Variants in TRDN observed in about 807,000 individuals in gnomAD.
The protein encoded by TRDN is triadin.
A neutral mutation model predicts 149.7 loss-of-function variants in TRDN; 161 were observed. The ratio of observed to expected loss-of-function variants is 1.08; its 90% CI spans 0.95 to 1.23. The LOEUF (loss-of-function observed/expected upper bound fraction) is 1.23. TRDN is among the 50% of genes most tolerant of loss of function. TRDN has a pLI of 0.00. For missense variants in TRDN, 896 were observed against 823.5 expected (o/e 1.09, Z -1.08); for synonymous variants, 294 against 250.5 (o/e 1.17, Z -1.64).
At chr6:123,256,022 G>T in intron 35 of TRDN, 120 bp from the exon 36 acceptor site, 1 of 461,656 alleles carries the variant, frequency 2.2e-6, no homozygotes, top group Non-Finnish European at 3.3e-6. Flanking sequence ...CATGTGTCAT[G>T]GTGGTTTGCT....
intron 12 of TRDN, among the ~76,000 whole-genome samples, chr6:123,397,441 C>A (rs1423311430): frequency 6.6e-6 from 1 of 152,160 alleles, no homozygotes; most frequent in Non-Finnish European, 1.5e-5. Context: ...TCTCTGAGAT[C>A]ACTGATTGAT....
At chr6:123,573,932 T>C (rs958744188) in intron 1 of TRDN, among the ~76,000 whole-genome samples, 1 of 151,986 alleles carries the variant, frequency 6.6e-6, no homozygotes, top group South Asian at 2.1e-4. Flanking sequence ...AATACTTTAG[T>C]TAATAAAGTC....
intron 5 of TRDN, among the ~76,000 whole-genome samples, chr6:123,520,054 G>A (rs939263987): frequency 7.9e-5 from 12 of 151,936 alleles, no homozygotes; most frequent in African/African-American, 2.7e-4. Flanking sequence ...TAAACAATAA[G>A]GCCAGATCTC....
intron 5 of TRDN, among the ~76,000 whole-genome samples, chr6:123,521,694 A>G (rs944506337): frequency 6.6e-6 from 1 of 152,044 alleles, no homozygotes; most frequent in Non-Finnish European, 1.5e-5. Context: ...TGGTTCCCTG[A>G]GGACTGATGT....
intron 10 of TRDN, among the ~76,000 whole-genome samples, chr6:123,444,096 T>C (rs1583032820): frequency 6.8e-6 from 1 of 147,332 alleles, no homozygotes; most frequent in East Asian, 2.0e-4. Flanking sequence ...ATTGAATCTG[T>C]AAATTACCTT....
rs184823974 is a variant in TRDN, at chr6:123,527,678, A to T, written c.484+2828T>A. Among the ~76,000 whole-genome samples the T allele has an allele frequency of 6.8e-3, 1,038 of 151,898 alleles. 5 individuals carry two copies. The highest frequency in any genetic ancestry group is 0.01 in the Non-Finnish European group (680 of 67,874). ...TTAATGATATGTGGTAACCCAAAAA[A>T]TGTTAAATTATGGTTGGAAGTTTTT... On this transcript the variant is annotated intron_variant, in intron 5 of 40. Coordinates refer to ENST00000334268, the MANE Select transcript of TRDN (RefSeq NM_006073.4).
At chr6:123,393,793 C>G in intron 12 of TRDN, 116 bp from the exon 13 acceptor site, 3 of 979,384 alleles carry the variant, frequency 3.1e-6, no homozygotes, top group Non-Finnish European at 4.5e-6. Flanking sequence ...GCTTTTGACA[C>G]GAAGAATTTT....
intron 23 of TRDN, among the ~76,000 whole-genome samples, chr6:123,321,537 A>G (rs1779245280): frequency 6.6e-6 from 1 of 151,940 alleles, no homozygotes; most frequent in Admixed American, 6.6e-5. Flanking sequence ...CCACTACTAC[A>G]CACAAAGACA....
At chr6:123,448,131 G>A (rs1775511552) in intron 10 of TRDN, among the ~76,000 whole-genome samples, 1 of 152,180 alleles carries the variant, frequency 6.6e-6, no homozygotes, top group Non-Finnish European at 1.5e-5. Context: ...TGGCACCACA[G>A]GGATTCATCA....
At chr6:123,520,585 C>T (rs1779625683) in intron 5 of TRDN, among the ~76,000 whole-genome samples, 1 of 152,152 alleles carries the variant, frequency 6.6e-6, no homozygotes, top group African/African-American at 2.4e-5. Flanking sequence ...TTTCATTTAC[C>T]TATTAAAGTG....
intron 12 of TRDN, among the ~76,000 whole-genome samples, chr6:123,431,074 T>C (rs1422476866): frequency 6.6e-6 from 1 of 152,212 alleles, no homozygotes; most frequent in Non-Finnish European, 1.5e-5. Context: ...TCCATGATTA[T>C]AAAACACTTG....
At chr6:123,373,644 T>G (rs1781404375) in intron 19 of TRDN, among the ~76,000 whole-genome samples, 1 of 152,132 alleles carries the variant, frequency 6.6e-6, no homozygotes, top group Non-Finnish European at 1.5e-5. Flanking sequence ...ACAAATCCCC[T>G]TTTACTTTTT....
chr6:123,351,386 A>C, intron 21 of TRDN: 1 of 984,434 alleles, frequency 1.0e-6, no homozygotes, highest in Non-Finnish European at 1.2e-6. Flanking sequence ...GCATAAATGA[A>C]CACACTGAAA....
intron 21 of TRDN, among the ~76,000 whole-genome samples, chr6:123,347,007 A>G (rs959888072): frequency 6.6e-6 from 1 of 151,992 alleles, no homozygotes; most frequent in African/African-American, 2.4e-5. Context: ...AAACATAAGA[A>G]TACCATGGAG....
chr6:123,308,670 T>C (rs1778704397), intron 24 of TRDN, among the ~76,000 whole-genome samples: 1 of 152,008 alleles, frequency 6.6e-6, no homozygotes, highest in African/African-American at 2.4e-5. Flanking sequence ...TGAATTCCCT[T>C]TGCAACTTCT....
intron 10 of TRDN, among the ~76,000 whole-genome samples, chr6:123,444,832 G>C (rs1005063840): frequency 1.3e-5 from 2 of 152,260 alleles, no homozygotes; most frequent in African/African-American, 4.8e-5. Flanking sequence ...TTATTGATTT[G>C]CGTATGTTGA....
intron 24 of TRDN, among the ~76,000 whole-genome samples, chr6:123,297,723 G>T (rs1032227082): frequency 1.3e-5 from 2 of 151,922 alleles, no homozygotes; most frequent in Non-Finnish European, 2.9e-5. Context: ...TGCAAAGGGC[G>T]CATCCATTCC....
At chr6:123,477,931 G>T (rs1419658841) in intron 9 of TRDN, among the ~76,000 whole-genome samples, 1 of 146,930 alleles carries the variant, frequency 6.8e-6, no homozygotes, top group African/African-American at 2.5e-5. Flanking sequence ...AGGGGGAAGG[G>T]ATAGCATTGG....
chr6:123,507,941 T>G (rs117287272), intron 7 of TRDN, among the ~76,000 whole-genome samples: 1 of 151,752 alleles, frequency 6.6e-6, no homozygotes, highest in African/African-American at 2.4e-5. Context: ...TCTCATTCCA[T>G]AAAGAACTGC....
Sources: gnomAD v4.1 joint callset for allele counts (sites outside exome capture counted in the v4.1 genomes callset) on GRCh38, gnomAD v4.1.1 for gene constraint, MANE v1.5 for transcripts, NCBI Gene and HGNC (gene_info 2026-07-23, HGNC 2026-07-21) for gene names.